Variants in MELTF observed in about 807,000 individuals in gnomAD.
MELTF encodes melanotransferrin, also known as antigen p97 (melanoma associated) identified by monoclonal antibodies 133.2 and 96.5.
Under a neutral mutation model 83.7 loss-of-function variants are expected in MELTF, and 67 were observed. The observed-to-expected ratio is 0.80, with a 90% CI of 0.66 to 0.98. The LOEUF is 0.98. Among genes scored for constraint, MELTF ranks in the 50% least tolerant of loss-of-function variants. MELTF has a pLI of 0.00. For synonymous variants in MELTF, 462 were observed against 447.6 expected, an observed-to-expected ratio of 1.03 and a Z score of -0.41; for missense variants, 1,002 against 1,035.6, an observed-to-expected ratio of 0.97 and a Z score of 0.44.
In MELTF at chr3:197,029,420, C is replaced by G. The variant is rs530710201; in HGVS notation, c.49+234G>C. On this transcript the variant is annotated intron_variant, in intron 1 of 15. Transcript: ENST00000296350. The surrounding 1 kb of genome is among the most constrained non-coding windows in gnomAD (Gnocchi z 6.5). ...CAGCCCGCGCTTCTCCTTGGAGCGT[C>G]GGAAGCCTCGGGTGTTCGAGGCCGC... The G allele has an allele frequency of 1.0e-5, 4 of 388,090 alleles. No homozygotes were observed. The highest frequency in any genetic ancestry group is 1.8e-5 in the Non-Finnish European group (4 of 220,394). The allele number at this position is 388,090 out of a possible 1,614,324, so 24.0% of individuals were successfully genotyped here.
In MELTF at chr3:197,006,850, G is replaced by T; in HGVS notation, c.1751-114C>A. The T allele has an allele frequency of 7.1e-6, 7 of 981,224 alleles. No individual in the cohort carries two copies. The highest frequency in any genetic ancestry group is 9.9e-6 in the Non-Finnish European group (7 of 710,054). The allele number at this position is 981,224 out of a possible 1,614,324, so 60.8% of individuals were successfully genotyped here. On this transcript the variant is annotated intron_variant, in intron 13 of 15. Coordinates refer to ENST00000296350, the MANE Select transcript of MELTF (RefSeq NM_005929.6). The surrounding 1 kb of genome is among the most constrained non-coding windows in gnomAD (Gnocchi z 5.4). ...TCACCACAGGGAGGTGGCAACATCT[G>T]GCCAGCTCCCCAACCCTCTCCATTC...
chr3:197,016,468 AC>A, intron 7 of MELTF, 99 bp from the exon 8 acceptor site: 1 of 1,133,520 alleles, frequency 8.8e-7, no homozygotes, highest in Non-Finnish European at 1.2e-6. Flanking sequence ...CCGACCTCAG[AC>A]CAGGCACCCA....
At chr3:197,017,833 C>G (rs550974243) in intron 6 of MELTF, among the ~76,000 whole-genome samples, 1 of 152,082 alleles carries the variant, frequency 6.6e-6, no homozygotes, top group Non-Finnish European at 1.5e-5. Context: ...GCCGAGATCA[C>G]GCCACTGCAC....
At chr3:197,012,956 GAA>G (rs968264495) in intron 9 of MELTF, among the ~76,000 whole-genome samples, 1 of 152,216 alleles carries the variant, frequency 6.6e-6, no homozygotes, top group South Asian at 2.1e-4. Flanking sequence ...CTATCTGAAA[GAA>G]AAGTTTCCGT....
intron 9 of MELTF, among the ~76,000 whole-genome samples, 192 bp downstream of exon 9, chr3:197,015,172 TC>T (rs1719316224): frequency 6.6e-6 from 1 of 150,476 alleles, no homozygotes; most frequent in Non-Finnish European, 1.5e-5. Flanking sequence ...CTGCGGTCGC[TC>T]CTCCCCGCCT....
chr3:197,026,653 C>T lies in MELTF; in HGVS notation c.304+7G>A, dbSNP rs2148594097. The T allele has an allele frequency of 2.5e-6, 4 of 1,612,284 alleles. No homozygotes were observed. The highest frequency in any genetic ancestry group is 2.2e-5 in the East Asian group (1 of 44,888). ...CTGTCCTCTCTCCTCCCACTGCACC[C>T]TCTTACCTTGATCGTACACTTCGCC... is the stretch of plus-strand genomic sequence containing the variant. On this transcript the variant is annotated splice_region_variant and intron_variant, in intron 3 of 15. Transcript: ENST00000296350.
Position 197,002,065 on chromosome 3 carries a change from C to T in MELTF, c.*1307G>A, listed in dbSNP as rs1230292158. ...GGCCGAGGCCCAGGTCCTTGTGGCCCCTCCCGGTGGGGTGAAGGTGCCCGG... is the reference window on the plus strand; with the variant it reads ...GGCCGAGGCCCAGGTCCTTGTGGCCTCTCCCGGTGGGGTGAAGGTGCCCGG... On this transcript the variant is annotated 3_prime_UTR_variant, in exon 16 of 16. Coordinates refer to ENST00000296350, the MANE Select transcript of MELTF (RefSeq NM_005929.6). The T allele has an allele frequency of 1.3e-5, 2 of 152,304 alleles. No individual in the cohort carries two copies. The highest frequency in any genetic ancestry group is 1.9e-4 in the East Asian group (1 of 5,182). The allele number at this position is 152,304 out of a possible 1,614,324, so 9.4% of individuals were successfully genotyped here. A position where few individuals can be genotyped will look rare whatever the true frequency, so the allele number is the denominator to read the frequency against.
rs907910059 is a variant in MELTF at position 197,019,886 on chromosome 3, G to A, written c.712+1518C>T. The A allele has an allele frequency of 6.2e-6, 9 of 1,453,330 alleles. No homozygotes were observed. In the African/African-American group the frequency reaches 8.5e-5, roughly 14 times the overall value. The allele number at this position is 1,453,330 out of a possible 1,614,324, so 90.0% of individuals were successfully genotyped here. A position where few individuals can be genotyped will look rare whatever the true frequency, so the allele number is the denominator to read the frequency against. ...CCAATCATCAGACGTCCTGGGAGACGCAAAACTGCAGACAGAACGGTGTGT... is the reference window on the plus strand; with the variant it reads ...CCAATCATCAGACGTCCTGGGAGACACAAAACTGCAGACAGAACGGTGTGT... On this transcript the variant is annotated intron_variant, in intron 6 of 15. Transcript: ENST00000296350.
In MELTF at chr3:197,024,682, C is replaced by G. The variant is rs764135222; in HGVS notation, c.305-197G>C. 5.3e-5 allele frequency among the ~76,000 whole-genome samples: 8 copies of G among 152,232 alleles called. No homozygotes were observed. Among genetic ancestry groups the G allele is most frequent in the Non-Finnish European group, 7.3e-5 (5 of 68,034 alleles). Reference sequence around the variant, plus strand: ...TGTATTAAGAGGCCCTGCCCTCTAGCCTCTTGAGGTAGAGACGATCCTGAG... The same window carrying G: ...TGTATTAAGAGGCCCTGCCCTCTAGGCTCTTGAGGTAGAGACGATCCTGAG... On this transcript the variant is annotated intron_variant, in intron 3 of 15. Transcript: ENST00000296350. This position sits in a 1 kb window ranked among gnomAD's most constrained non-coding sequence, Gnocchi z 5.3.
chr3:197,016,028 G>A lies in MELTF; in HGVS notation c.1081+161C>T, dbSNP rs982383071. Reference sequence around the variant, plus strand: ...CAACAGGCCATACAGTGGAAGAGATGCCTCCTCCCCAAAGCCCCAGGGGCA... The same window carrying A: ...CAACAGGCCATACAGTGGAAGAGATACCTCCTCCCCAAAGCCCCAGGGGCA... On this transcript the variant is annotated intron_variant, in intron 8 of 15. Coordinates refer to ENST00000296350, the MANE Select transcript of MELTF (RefSeq NM_005929.6). Among the ~76,000 whole-genome samples, 8 of 152,288 alleles carry A rather than the reference G, an allele frequency of 5.3e-5. No individual in the cohort carries two copies. The East Asian group carries it at 7.7e-4, about 15-fold the overall frequency.
chr3:197,003,727 C>T lies in MELTF; in HGVS notation c.2137+174G>A. ...GTCTGGGAGACCCGCCGGGCTCCCGCCCTCCCGGCCCGCAGCCTCCTGGCC... is the reference window on the plus strand; with the variant it reads ...GTCTGGGAGACCCGCCGGGCTCCCGTCCTCCCGGCCCGCAGCCTCCTGGCC... On this transcript the variant is annotated intron_variant, in intron 15 of 15. Transcript: ENST00000296350. This position sits in a 1 kb window ranked among gnomAD's most constrained non-coding sequence, Gnocchi z 6.2. 4.1e-6 allele frequency: 3 copies of T among 737,398 alleles called. No homozygotes were observed. Among genetic ancestry groups the T allele is most frequent in the Non-Finnish European group, 6.5e-6 (3 of 461,716 alleles). The allele number at this position is 737,398 out of a possible 1,614,324, so 45.7% of individuals were successfully genotyped here.
chr3:197,009,784 C>G lies in MELTF; in HGVS notation c.1359G>C (p.Val453=), dbSNP rs1202862854. ...APEDSSNSYY[V]VAVVRRDSSH... is the part of the protein sequence containing the mutation. Reference sequence around the variant, plus strand: ...AGCTGTCCCGTCTCACCACGGCCACCACGTAGTACGAGTTGCTGCTGTCTT... The same window carrying G: ...AGCTGTCCCGTCTCACCACGGCCACGACGTAGTACGAGTTGCTGCTGTCTT... Residue 453 remains valine (V), a synonymous_variant, in exon 11 of 16, where the codon GTG becomes GTC. Coordinates refer to ENST00000296350, the MANE Select transcript of MELTF (RefSeq NM_005929.6). The G allele has an allele frequency of 6.2e-7, 1 of 1,612,546 alleles. No homozygotes were observed. Among genetic ancestry groups the G allele is most frequent in the Non-Finnish European group, 8.5e-7 (1 of 1,179,254 alleles).
rs1398320589 is a variant in MELTF at position 197,004,075 on chromosome 3, T to G, written c.1963A>C (p.Lys655Gln). 1 of 1,614,110 alleles carries G rather than the reference T, an allele frequency of 6.2e-7. No individual in the cohort carries two copies. Among genetic ancestry groups the G allele is most frequent in the Non-Finnish European group, 8.5e-7 (1 of 1,180,010 alleles). The change falls in exon 15 of 16, where the codon AAG (lysine) becomes CAG (glutamine). Residue 655 changes from lysine (K) to glutamine (Q), a missense_variant. Transcript: ENST00000296350. ...AQDLFGDDHN[K>Q]NGFKMFDSSN... ...GAGTCGAACATTTTGAACCCGTTCT[T>G]ATTGTGGTCGTCTCCAAACAGGTCC...
In MELTF at chr3:197,003,495, G is replaced by A; in HGVS notation, c.2138-44C>T. ...GGTCAGGCCCCGAAGCCCGGGCCGC[G>A]GTGGCCGCCTCAGGCGCCCGCTCTG... is the stretch of plus-strand genomic sequence containing the variant. On this transcript the variant is annotated intron_variant, in intron 15 of 15. Transcript: ENST00000296350. This position sits in a 1 kb window ranked among gnomAD's most constrained non-coding sequence, Gnocchi z 6.2. 2 of 868,938 alleles carry A rather than the reference G, an allele frequency of 2.3e-6. No individual in the cohort carries two copies. Among genetic ancestry groups the A allele is most frequent in the Non-Finnish European group, 2.8e-6 (2 of 718,822 alleles). 53.8% of individuals were successfully genotyped at this position (868,938 alleles called of 1,614,324 possible).
intron 9 of MELTF, 143 bp downstream of exon 9, chr3:197,015,222 G>A (rs1284065972): frequency 1.6e-5 from 17 of 1,065,802 alleles, no homozygotes; most frequent in Non-Finnish European, 2.1e-5. Context: ...CCCTGCGGTC[G>A]CTCCTCCCCA....
chr3:197,016,140 G>A (rs368033590), intron 8 of MELTF, 49 bp downstream of exon 8: 67 of 1,441,196 alleles, frequency 4.6e-5, no homozygotes, highest in Middle Eastern at 2.5e-4. Context: ...CGCCATGCCC[G>A]AGGTTGAGCT....
chr3:197,007,145 AGGT>A lies in MELTF; in HGVS notation c.1751-412_1751-410del, dbSNP rs981158689. On this transcript the variant is annotated intron_variant, in intron 13 of 15. Coordinates refer to ENST00000296350, the MANE Select transcript of MELTF (RefSeq NM_005929.6). The surrounding 1 kb of genome is among the most constrained non-coding windows in gnomAD (Gnocchi z 4.3). ...GCCTGAGTGTGGGGTGGCTCCCTGAAGGTGGTGGGTGATTGTCCCTAAGGGCTG... is the reference window on the plus strand; with the variant it reads ...GCCTGAGTGTGGGGTGGCTCCCTGAAGGTGGGTGATTGTCCCTAAGGGCTG... Among the ~76,000 whole-genome samples, 6 of 152,010 alleles carry A rather than the reference AGGT, an allele frequency of 3.9e-5. No individual in the cohort carries two copies. Among genetic ancestry groups the A allele is most frequent in the Non-Finnish European group, 7.4e-5 (5 of 67,966 alleles).
Position 197,003,823 on chromosome 3 carries a change from G to GC in MELTF, c.2137+77dup, listed in dbSNP as rs1560208526. 1.1e-5 allele frequency: 16 copies of GC among 1,468,308 alleles called. No homozygotes were observed. The highest frequency in any genetic ancestry group is 1.4e-5 in the Non-Finnish European group (15 of 1,078,874). 91.0% of individuals were successfully genotyped at this position (1,468,308 alleles called of 1,614,324 possible). A position where few individuals can be genotyped will look rare whatever the true frequency, so the allele number is the denominator to read the frequency against. ...CCACCCGCCTCCCCGGACCCGCAGC[G>GC]CCCCCCGCTCCCTCAGGGTTCTGGG... On this transcript the variant is annotated intron_variant, in intron 15 of 15. Transcript: ENST00000296350. This position sits in a 1 kb window ranked among gnomAD's most constrained non-coding sequence, Gnocchi z 6.2.
intron 6 of MELTF, 193 bp downstream of exon 6, chr3:197,021,211 C>T (rs1719609079): frequency 1.7e-6 from 1 of 585,694 alleles, no homozygotes; most frequent in Non-Finnish European, 3.0e-6. Context: ...CCACTGGTGA[C>T]ACCTGCCTCT....
Sources: allele counts gnomAD v4.1 joint callset (sites outside exome capture counted in the v4.1 genomes callset), GRCh38; gene constraint gnomAD v4.1.1; non-coding constraint Gnocchi (gnomAD v3.1); transcripts MANE v1.5; gene names NCBI Gene and HGNC (gene_info 2026-07-23, HGNC 2026-07-21).